The following UBE3D variants were observed in gnomAD, a reference collection of about 807,000 sequenced individuals.
UBE3D encodes the protein ubiquitin protein ligase E3D, also known as E3 ubiquitin-protein ligase E3D.
A neutral mutation model predicts 49.6 loss-of-function variants in UBE3D; 48 were observed. The observed-to-expected ratio is 0.97, with a 90% CI of 0.77 to 1.23. The LOEUF (loss-of-function observed/expected upper bound fraction) is 1.23, where lower values mean the gene tolerates loss of function less well. Among genes scored for constraint, UBE3D ranks in the 50% most tolerant of loss-of-function variants. UBE3D has a pLI of 0.00. For missense variants in UBE3D, 452 were observed against 468.4 expected, an observed-to-expected ratio of 0.96 and a Z score of 0.32; for synonymous variants, 189 against 174.2, an observed-to-expected ratio of 1.08 and a Z score of -0.67.
At chr6:83,054,937 C>A (rs1351419357) in intron 2 of UBE3D, among the ~76,000 whole-genome samples, 2 of 152,224 alleles carry the variant, frequency 1.3e-5, no homozygotes, top group Non-Finnish European at 2.9e-5. Flanking sequence ...GCGTGAGCCA[C>A]CGTGCCCAGC....
At chr6:82,993,953 C>T (rs547745955) in intron 8 of UBE3D, among the ~76,000 whole-genome samples, 59 of 152,224 alleles carry the variant, frequency 3.9e-4, no homozygotes, top group Non-Finnish European at 8.2e-4. Context: ...AATCTAGAAA[C>T]AAACTCTGTG....
At chr6:82,917,946 T>C (rs1281216122) in intron 9 of UBE3D, among the ~76,000 whole-genome samples, 1 of 152,220 alleles carries the variant, frequency 6.6e-6, no homozygotes, top group Non-Finnish European at 1.5e-5. Flanking sequence ...AGCCTGCTCC[T>C]TTCTTAAACT....
intron 9 of UBE3D, among the ~76,000 whole-genome samples, chr6:82,897,527 G>T (rs778374535): frequency 6.6e-6 from 1 of 152,154 alleles, no homozygotes; most frequent in Non-Finnish European, 1.5e-5. Context: ...GGAGGCAGAG[G>T]TTGCAGTGAG....
intron 9 of UBE3D, among the ~76,000 whole-genome samples, chr6:82,948,146 A>G (rs1775536373): frequency 6.6e-6 from 1 of 151,930 alleles, no homozygotes; most frequent in Non-Finnish European, 1.5e-5. Flanking sequence ...CTACGAAAAC[A>G]TGAGAGAATA....
intron 5 of UBE3D, among the ~76,000 whole-genome samples, chr6:83,033,995 C>T (rs942649267): frequency 6.6e-5 from 10 of 152,320 alleles, no homozygotes; most frequent in Middle Eastern, 3.4e-3. Context: ...ACTTGCTATT[C>T]TTTCCCAATA....
At chr6:83,006,090 T>C (rs1338011014) in intron 8 of UBE3D, among the ~76,000 whole-genome samples, 2 of 152,132 alleles carry the variant, frequency 1.3e-5, no homozygotes, top group Non-Finnish European at 2.9e-5. Context: ...CCAGGCATGA[T>C]GGCTCACGCC....
chr6:83,015,191 A>C (rs1345515340), intron 8 of UBE3D, among the ~76,000 whole-genome samples: 1 of 152,184 alleles, frequency 6.6e-6, no homozygotes, highest in Non-Finnish European at 1.5e-5. Context: ...CTCTTCAAAG[A>C]TGAAGGTGCT....
chr6:82,955,082 A>G (rs1228268049), intron 9 of UBE3D, among the ~76,000 whole-genome samples: 1 of 152,186 alleles, frequency 6.6e-6, no homozygotes, highest in African/African-American at 2.4e-5. Flanking sequence ...GAGCTCCTCT[A>G]ATTAAAGGTG....
At chr6:83,062,533 C>T (rs1313545664) in intron 1 of UBE3D, among the ~76,000 whole-genome samples, 1 of 152,168 alleles carries the variant, frequency 6.6e-6, no homozygotes, top group East Asian at 1.9e-4. Flanking sequence ...AGGGACAAAA[C>T]ACATCCAAAC....
At chr6:82,937,990 C>T (rs958202093) in intron 9 of UBE3D, among the ~76,000 whole-genome samples, 15 of 151,872 alleles carry the variant, frequency 9.9e-5, no homozygotes, top group South Asian at 6.3e-4. Flanking sequence ...GGCGTGTGCG[C>T]GCGCACACAC....
chr6:82,925,611 T>C (rs1487267520), intron 9 of UBE3D, among the ~76,000 whole-genome samples: 1 of 152,262 alleles, frequency 6.6e-6, no homozygotes, highest in Admixed American at 6.5e-5. Flanking sequence ...GTAAATAATG[T>C]AGTGATATTT....
intron 8 of UBE3D, among the ~76,000 whole-genome samples, chr6:83,005,111 A>C (rs1225349246): frequency 6.9e-6 from 1 of 144,810 alleles, no homozygotes; most frequent in African/African-American, 2.9e-5. Flanking sequence ...TATTATCCAG[A>C]ATATAAAGCA....
At chr6:83,047,411 A>C (rs1055024894) in intron 3 of UBE3D, among the ~76,000 whole-genome samples, 1 of 152,244 alleles carries the variant, frequency 6.6e-6, no homozygotes, top group Admixed American at 6.5e-5. Context: ...AATTGTTACA[A>C]GAGATACTGG....
intron 4 of UBE3D, 86 bp from the exon 5 acceptor site, chr6:83,038,571 A>G: frequency 8.6e-7 from 1 of 1,165,300 alleles, no homozygotes. Flanking sequence ...CAGAGTATAC[A>G]TTGAACTTTA....
chr6:82,976,047 C>T (rs1777694916), intron 8 of UBE3D, among the ~76,000 whole-genome samples: 1 of 152,156 alleles, frequency 6.6e-6, no homozygotes, highest in African/African-American at 2.4e-5. Context: ...AAAAAGCTCA[C>T]ATCCAAGAAA....
At chr6:82,964,884 A>T (rs1160975213) in intron 8 of UBE3D, among the ~76,000 whole-genome samples, 1 of 152,224 alleles carries the variant, frequency 6.6e-6, no homozygotes, top group Admixed American at 6.5e-5. Flanking sequence ...AAAAATGCAC[A>T]AACTACTGTT....
chr6:83,024,105 C>T, intron 5 of UBE3D, 67 bp from the exon 6 acceptor site: 1 of 824,394 alleles, frequency 1.2e-6, no homozygotes, highest in Non-Finnish European at 1.9e-6. Flanking sequence ...GGCAAGTTGA[C>T]TCCAAATTAG....
chr6:83,020,183 A>AGT (rs1780986733), intron 7 of UBE3D, among the ~76,000 whole-genome samples: 1 of 152,226 alleles, frequency 6.6e-6, no homozygotes, highest in Non-Finnish European at 1.5e-5. Flanking sequence ...TAAAAGACAC[A>AGT]GGCAAAGATT....
chr6:83,028,054 G>C (rs1352606868), intron 5 of UBE3D, among the ~76,000 whole-genome samples: 3 of 152,076 alleles, frequency 2.0e-5, no homozygotes, highest in Non-Finnish European at 2.9e-5. Flanking sequence ...ACCACTGGCT[G>C]AGTTTTTAAT....
Sources: allele counts gnomAD v4.1 joint callset (sites outside exome capture counted in the v4.1 genomes callset), GRCh38; gene constraint gnomAD v4.1.1; transcripts MANE v1.5; gene names NCBI Gene and HGNC (gene_info 2026-07-23, HGNC 2026-07-21).